Variants in RUNDC3B observed in about 807,000 individuals in gnomAD.
RUNDC3B encodes RUN domain containing 3B.
In RUNDC3B, 33 loss-of-function variants were observed where a neutral mutation model predicts 58.4. The ratio of observed to expected loss-of-function variants is 0.56; its 90% CI spans 0.43 to 0.75. RUNDC3B has a LOEUF of 0.75. RUNDC3B is among the 30% of genes least tolerant of loss of function. RUNDC3B has a pLI of 0.00. For missense variants in RUNDC3B, 501 were observed against 535.7 expected (o/e 0.94, Z 0.64); for synonymous variants, 193 against 195.2 (o/e 0.99, Z 0.10).
chr7:87,738,199 T>C (rs970996374), intron 4 of RUNDC3B, among the ~76,000 whole-genome samples: 4 of 151,712 alleles, frequency 2.6e-5, no homozygotes, highest in Admixed American at 2.6e-4. Flanking sequence ...CTGAAACCAT[T>C]AGAAGCATAG....
At chr7:87,776,427 C>T (rs1483750607) in intron 7 of RUNDC3B, among the ~76,000 whole-genome samples, 1 of 151,922 alleles carries the variant, frequency 6.6e-6, no homozygotes. Flanking sequence ...AAAACATTTT[C>T]AAAAGGATAT....
intron 8 of RUNDC3B, among the ~76,000 whole-genome samples, chr7:87,794,060 TAAAG>T (rs1835673638): frequency 6.6e-6 from 1 of 151,936 alleles, no homozygotes. Context: ...AAAAATGAAA[TAAAG>T]AAATGTAATC....
rs543537805 is a variant in RUNDC3B, at chr7:87,727,676, G to A, written c.459-12115G>A. Among the ~76,000 whole-genome samples the A allele has an allele frequency of 3.9e-5, 6 of 152,170 alleles. No homozygotes were observed. The East Asian group carries it at 5.8e-4, about 15-fold the overall frequency. ...TTAAAATACCTTTTATTCCTTGAGC[G>A]TGTATTGAGTTTTTATTTCTTAGTT... On this transcript the variant is annotated intron_variant, in intron 4 of 10. Coordinates refer to ENST00000394654, the MANE Select transcript of RUNDC3B (RefSeq NM_001134405.2).
intron 4 of RUNDC3B, among the ~76,000 whole-genome samples, chr7:87,714,848 T>C (rs1336106745): frequency 6.6e-6 from 1 of 152,064 alleles, no homozygotes; most frequent in Non-Finnish European, 1.5e-5. Flanking sequence ...TCTGCTTTTC[T>C]GGGATAGGAA....
chr7:87,756,856 T>G (rs1833403624), intron 6 of RUNDC3B, among the ~76,000 whole-genome samples: 1 of 152,096 alleles, frequency 6.6e-6, no homozygotes, highest in African/African-American at 2.4e-5. Flanking sequence ...ATGCACTGTT[T>G]GAAGAAATCA....
chr7:87,738,313 G>A (rs1349985047), intron 4 of RUNDC3B, among the ~76,000 whole-genome samples: 1 of 151,922 alleles, frequency 6.6e-6, no homozygotes, highest in Non-Finnish European at 1.5e-5. Context: ...TTACCTTTCT[G>A]CAGGACACCT....
intron 6 of RUNDC3B, among the ~76,000 whole-genome samples, chr7:87,767,226 T>G (rs1168969927): frequency 6.6e-6 from 1 of 152,234 alleles, no homozygotes; most frequent in Non-Finnish European, 1.5e-5. Flanking sequence ...ATTCTTTATT[T>G]GTCATAACAG....
At chr7:87,747,090 C>T (rs1302429583) in intron 6 of RUNDC3B, among the ~76,000 whole-genome samples, 1 of 152,136 alleles carries the variant, frequency 6.6e-6, no homozygotes, top group Non-Finnish European at 1.5e-5. Flanking sequence ...GGTTCCTTCT[C>T]ATTTGGGTAG....
chr7:87,814,030 A>G (rs531613630), intron 9 of RUNDC3B, among the ~76,000 whole-genome samples: 13 of 151,860 alleles, frequency 8.6e-5, no homozygotes, highest in Non-Finnish European at 1.9e-4. Context: ...TTTCTGTGAT[A>G]CGATTAAATA....
intron 8 of RUNDC3B, among the ~76,000 whole-genome samples, chr7:87,801,390 G>A (rs563066379): frequency 6.6e-5 from 10 of 152,240 alleles, no homozygotes; most frequent in South Asian, 2.1e-4. Context: ...GAAGCAAATC[G>A]TTTTTCTGGG....
At chr7:87,668,764 A>G (rs1232891848) in intron 2 of RUNDC3B, among the ~76,000 whole-genome samples, 1 of 151,908 alleles carries the variant, frequency 6.6e-6, no homozygotes, top group Admixed American at 6.6e-5. Flanking sequence ...ATGATGTTTA[A>G]TTTCTGTGTG....
intron 6 of RUNDC3B, among the ~76,000 whole-genome samples, chr7:87,748,366 A>G (rs1215056729): frequency 6.6e-6 from 1 of 151,096 alleles, no homozygotes; most frequent in Non-Finnish European, 1.5e-5. Context: ...GGAGCAGTCC[A>G]CTCCTTCAGA....
intron 2 of RUNDC3B, among the ~76,000 whole-genome samples, chr7:87,657,912 T>C (rs1824278192): frequency 1.3e-5 from 2 of 152,114 alleles, no homozygotes; most frequent in Admixed American, 6.6e-5. Context: ...CACCTTCCCC[T>C]GTGGGAGCAG....
chr7:87,740,522 ACT>A lies in RUNDC3B; in HGVS notation c.548+644_548+645del, dbSNP rs138545818. Among the ~76,000 whole-genome samples, 512 of 152,228 alleles carry A rather than the reference ACT, an allele frequency of 3.4e-3. 3 individuals are homozygous for A. Among genetic ancestry groups the A allele is most frequent in the African/African-American group, 0.011 (470 of 41,562 alleles). On this transcript the variant is annotated intron_variant, in intron 5 of 10. Transcript: ENST00000394654. Reference sequence around the variant, plus strand: ...AAGTAAAAGGTTTGTCTATAAGAAAACTCAAACACAAGGAATGAAGGAAATAT... The same window carrying A: ...AAGTAAAAGGTTTGTCTATAAGAAAACAAACACAAGGAATGAAGGAAATAT...
intron 7 of RUNDC3B, among the ~76,000 whole-genome samples, chr7:87,773,492 G>A (rs1250397071): frequency 6.6e-6 from 1 of 152,076 alleles, no homozygotes; most frequent in African/African-American, 2.4e-5. Flanking sequence ...GTCTTTCAGA[G>A]TAATTTATAG....
At chr7:87,721,499 A>G (rs1396294582) in intron 4 of RUNDC3B, among the ~76,000 whole-genome samples, 1 of 152,126 alleles carries the variant, frequency 6.6e-6, no homozygotes, top group Non-Finnish European at 1.5e-5. Context: ...GATGAACCAA[A>G]CTAAATTCAA....
At chr7:87,666,163 T>C (rs1825221643) in intron 2 of RUNDC3B, among the ~76,000 whole-genome samples, 1 of 152,184 alleles carries the variant, frequency 6.6e-6, no homozygotes, top group Non-Finnish European at 1.5e-5. Context: ...TATTTTTGAC[T>C]TTTTAGTAAT....
chr7:87,773,559 T>C (rs894608258), intron 7 of RUNDC3B, among the ~76,000 whole-genome samples: 1 of 152,210 alleles, frequency 6.6e-6, no homozygotes, highest in Non-Finnish European at 1.5e-5. Context: ...ATCTAAAATA[T>C]ATTAAATGTT....
chr7:87,649,160 G>T (rs1360375736), intron 1 of RUNDC3B, among the ~76,000 whole-genome samples: 1 of 152,112 alleles, frequency 6.6e-6, no homozygotes, highest in Admixed American at 6.5e-5. Context: ...TGAGGGAGTT[G>T]TTTGAGGTGA....
Sources: gnomAD v4.1 joint callset for allele counts (sites outside exome capture counted in the v4.1 genomes callset) on GRCh38, gnomAD v4.1.1 for gene constraint, MANE v1.5 for transcripts, NCBI Gene and HGNC (gene_info 2026-07-23, HGNC 2026-07-21) for gene names.